Variants in XIST observed in about 807,000 individuals in gnomAD.
XIST encodes the protein X inactive specific transcript (non-protein coding).
chrX:73,829,102 G>C, exon 5 of XIST: 1 of 558,518 alleles, frequency 1.8e-6, no homozygotes, highest in Non-Finnish European at 3.2e-6. Flanking sequence ...AGAGTGCCAG[G>C]CATGTTGATC....
At chrX:73,838,908 T>A (rs1204620581) in intron 1 of XIST, among the ~76,000 whole-genome samples, 1 of 111,482 alleles carries the variant, frequency 9.0e-6, no homozygotes, top group Non-Finnish European at 1.9e-5. Flanking sequence ...AGGAAGGCAT[T>A]AGCTCTGTTT....
intron 1 of XIST, among the ~76,000 whole-genome samples, chrX:73,838,179 C>T (rs1393202802): frequency 9.0e-6 from 1 of 111,008 alleles, no homozygotes; most frequent in Non-Finnish European, 1.9e-5. Context: ...ATCACACTAA[C>T]AGCATACTAT....
At chrX:73,852,295 C>T (rs1163611455) in exon 1 of XIST, 1 of 538,609 alleles carries the variant, frequency 1.9e-6, no homozygotes, top group Admixed American at 2.5e-5. Flanking sequence ...CCCCGATGGG[C>T]GAATAAAAAA....
At chrX:73,821,298 C>G (rs772477584) in exon 6 of XIST, 112 of 553,941 alleles carry the variant, frequency 2.0e-4, no homozygotes, top group Non-Finnish European at 3.2e-4. Context: ...ATGTAATTGG[C>G]TTGCTATAGA....
At chrX:73,833,064 G>A (rs1381046347) in intron 3 of XIST, among the ~76,000 whole-genome samples, 1 of 109,603 alleles carries the variant, frequency 9.1e-6, no homozygotes, top group African/African-American at 3.3e-5. Flanking sequence ...TTTTATTGTA[G>A]AGACATGGGT....
chrX:73,834,756 C>T (rs988814793), intron 2 of XIST, among the ~76,000 whole-genome samples: 7 of 105,022 alleles, frequency 6.7e-5, no homozygotes, highest in Admixed American at 3.2e-4. Context: ...GAGGCCAAGG[C>T]GAGTGGATCA....
At chrX:73,821,333 G>C (rs1284915518) in exon 6 of XIST, 5 of 554,367 alleles carry the variant, frequency 9.0e-6, no homozygotes, top group Middle Eastern at 3.1e-4. Flanking sequence ...TGCTTTGAAT[G>C]TATGAACTAC....
exon 6 of XIST, chrX:73,821,130 A>C: frequency 1.8e-6 from 1 of 558,113 alleles, no homozygotes; most frequent in Non-Finnish European, 3.2e-6. Flanking sequence ...TCCAGCTGAT[A>C]CCACACATTG....
At chrX:73,834,742 T>C (rs1230002823) in intron 2 of XIST, among the ~76,000 whole-genome samples, 1 of 107,390 alleles carries the variant, frequency 9.3e-6, no homozygotes, top group Non-Finnish European at 1.9e-5. Context: ...TCCTAGCACT[T>C]TGGGAGGCCA....
Position 73,850,050 on chromosome X carries a change from A to T in XIST, n.2674T>A, listed in dbSNP as rs776507815. On this transcript the variant is annotated non_coding_transcript_exon_variant, in exon 1 of 6. Coordinates refer to ENST00000429829, the Ensembl canonical transcript of XIST. ...CACAGCAATTCAAGTTTCCTGTCTG[A>T]TAAGTAGGTGATTAGTCAATTAGTG... The T allele has an allele frequency of 7.2e-6, 4 of 559,137 alleles. No individual in the cohort carries two copies. In the East Asian group the frequency reaches 1.3e-4, roughly 18 times the overall value. 46.1% of individuals were successfully genotyped at this position (559,137 alleles called of 1,213,427 possible). A position where few individuals can be genotyped will look rare whatever the true frequency, so the allele number is the denominator to read the frequency against.
chrX:73,824,005 G>A lies in XIST; in HGVS notation n.15896C>T, dbSNP rs746018786. 4 of 554,820 alleles carry A rather than the reference G, an allele frequency of 7.2e-6. No homozygotes were observed. The Admixed American group carries it at 8.9e-5, about 12-fold the overall frequency. 45.7% of individuals were successfully genotyped at this position (554,820 alleles called of 1,213,427 possible). On this transcript the variant is annotated non_coding_transcript_exon_variant, in exon 6 of 6. Transcript: ENST00000429829. ...TTTGTAAATCTACACATAGATCTCT[G>A]TTGTAGGTTCAATAATGATAATAAA...
rs752343527 is a variant in XIST at position 73,830,824 on chromosome X, C to T, written n.11752+242G>A. On this transcript the variant is annotated intron_variant and non_coding_transcript_variant, in intron 4 of 5. Transcript: ENST00000429829. Reference sequence around the variant, plus strand: ...ACAACTTAGCTGTAAGCCTCTGCCACGTGCTATAGTCCCACTCCAAACACC... The same window carrying T: ...ACAACTTAGCTGTAAGCCTCTGCCATGTGCTATAGTCCCACTCCAAACACC... Among the ~76,000 whole-genome samples, 6 of 111,807 alleles carry T rather than the reference C, an allele frequency of 5.4e-5. No individual in the cohort carries two copies. The South Asian group carries it at 1.1e-3, about 21-fold the overall frequency.
exon 6 of XIST, chrX:73,823,053 T>A (rs1186998577): frequency 1.8e-6 from 1 of 551,929 alleles, no homozygotes; most frequent in African/African-American, 2.2e-5. Flanking sequence ...TGCAAAAGAA[T>A]CTTTTTTTTA....
At chrX:73,840,943 C>G (rs888780095) in intron 1 of XIST, among the ~76,000 whole-genome samples, 1 of 111,991 alleles carries the variant, frequency 8.9e-6, no homozygotes, top group African/African-American at 3.2e-5. Flanking sequence ...AAAAAGCAAA[C>G]CCACTTCCTT....
At chrX:73,824,266 C>T (rs748549217) in exon 6 of XIST, 8 of 513,631 alleles carry the variant, frequency 1.6e-5, no homozygotes, top group African/African-American at 4.6e-5. Flanking sequence ...CAATCCCTTG[C>T]GTATGCGTAT....
chrX:73,837,562 C>G (rs1177713678), intron 1 of XIST: 1 of 491,819 alleles, frequency 2.0e-6, no homozygotes, highest in Non-Finnish European at 3.6e-6. Context: ...AATATGGACT[C>G]TAGTTAATAA....
At chrX:73,842,210 T>C (rs774962216) in exon 1 of XIST, 20 of 514,094 alleles carry the variant, frequency 3.9e-5, no homozygotes, top group Non-Finnish European at 1.0e-5. Flanking sequence ...TTTCTGGCTG[T>C]ATCCTGGCAT....
At chrX:73,851,356 C>T in exon 1 of XIST, 1 of 559,396 alleles carries the variant, frequency 1.8e-6, no homozygotes, top group Non-Finnish European at 3.2e-6. Flanking sequence ...ATGTTTTACA[C>T]TGCGGCAAGA....
At chrX:73,843,093 G>C in exon 1 of XIST, 6 of 558,270 alleles carry the variant, frequency 1.1e-5, no homozygotes, top group Non-Finnish European at 1.6e-5. Flanking sequence ...GGTGGGGTGG[G>C]GCGCTTGCTT....
Sources: gnomAD v4.1 joint callset for allele counts (sites outside exome capture counted in the v4.1 genomes callset) on GRCh38, gnomAD v4.1.1 for gene constraint, MANE v1.5 for transcripts, NCBI Gene and HGNC (gene_info 2026-07-23, HGNC 2026-07-21) for gene names.